Variants in SF3A3 observed in about 807,000 individuals in gnomAD.
The protein encoded by SF3A3 is splicing factor 3a subunit 3.
SF3A3 carries 9 observed loss-of-function variants against 85.8 expected under a neutral mutation model. That is an observed-to-expected ratio of 0.10 (90% CI 0.06 to 0.18). The LOEUF (loss-of-function observed/expected upper bound fraction) is 0.18. Ranked by LOEUF, SF3A3 falls within the 10% of genes least tolerant of loss-of-function variation. The probability of loss-of-function intolerance (pLI) is 1.00; values close to 1 mark genes in which losing one functional copy is unlikely to be tolerated. For missense variants in SF3A3, 306 were observed against 593.3 expected (o/e 0.52, Z 5.03); for synonymous variants, 195 against 204.4 (o/e 0.95, Z 0.39).
At chr1:37,972,875 A>G (rs1646353066) in intron 12 of SF3A3, among the ~76,000 whole-genome samples, 1 of 152,228 alleles carries the variant, frequency 6.6e-6, no homozygotes, top group Non-Finnish European at 1.5e-5. Flanking sequence ...AATTAATTCA[A>G]GATGGATTAA....
chr1:37,957,090 T>C lies in SF3A3; in HGVS notation c.*1096A>G, dbSNP rs1646223024. The C allele has an allele frequency of 6.6e-6, 1 of 152,164 alleles. No individual in the cohort carries two copies. Among genetic ancestry groups the C allele is most frequent in the Non-Finnish European group, 1.5e-5 (1 of 68,042 alleles). 9.4% of individuals were successfully genotyped at this position (152,164 alleles called of 1,614,324 possible). A position where few individuals can be genotyped will look rare whatever the true frequency, so the allele number is the denominator to read the frequency against. The stretch of plus-strand genomic sequence containing the variant: ...GGCCTGACTTTCAGATGACTGTGCT[T>C]ATAAGGCAGATCAGTGCCTTCCTGG... On this transcript the variant is annotated 3_prime_UTR_variant, in exon 17 of 17. Coordinates refer to ENST00000373019, the MANE Select transcript of SF3A3 (RefSeq NM_006802.4).
intron 15 of SF3A3, among the ~76,000 whole-genome samples, chr1:37,963,963 T>C (rs1646280527): frequency 6.8e-6 from 1 of 146,436 alleles, no homozygotes. Flanking sequence ...GGGCAGATCA[T>C]GAGGTCAGAG....
chr1:37,979,460 C>T lies in SF3A3; in HGVS notation c.759+5G>A, dbSNP rs1186596838. 2 of 1,606,790 alleles carry T rather than the reference C, an allele frequency of 1.2e-6. No individual in the cohort carries two copies. Among genetic ancestry groups the T allele is most frequent in the East Asian group, 4.5e-5 (2 of 44,786 alleles). ...AGAACACTACTACTGCTGAAGGAAA[C>T]ATACCTCCCAGGAGGAGAATGCAGA... On this transcript the variant is annotated splice_donor_5th_base_variant and intron_variant, in intron 9 of 16. Transcript: ENST00000373019.
chr1:37,982,883 C>T (rs906454281), intron 6 of SF3A3, among the ~76,000 whole-genome samples: 8 of 151,868 alleles, frequency 5.3e-5, no homozygotes, highest in Non-Finnish European at 7.4e-5. Flanking sequence ...TTGATTGAGT[C>T]CAGGAGTCCA....
intron 16 of SF3A3, 33 bp from the exon 17 acceptor site, chr1:37,958,296 C>T (rs755171769): frequency 1.5e-5 from 22 of 1,478,610 alleles, no homozygotes; most frequent in Non-Finnish European, 2.1e-5. Flanking sequence ...TGTTAGACAG[C>T]TCTCCTAAAA....
chr1:37,981,134 C>T (rs1646415779), intron 7 of SF3A3, among the ~76,000 whole-genome samples: 1 of 152,206 alleles, frequency 6.6e-6, no homozygotes, highest in East Asian at 1.9e-4. Flanking sequence ...CAGGTGTGAG[C>T]CACCGCGCCC....
chr1:37,980,717 C>G lies in SF3A3; in HGVS notation c.559G>C (p.Glu187Gln). 5.0e-6 allele frequency: 8 copies of G among 1,613,172 alleles called. No individual in the cohort carries two copies. Among genetic ancestry groups the G allele is most frequent in the Non-Finnish European group, 6.8e-6 (8 of 1,179,556 alleles). The part of the protein sequence containing the change: ...RKNAEYKRYL[E>Q]MLLEYLQDYT... ...TCCTGAAGGTACTCAAGCAGCATCTCTAGGTATCTACAGAGGAACACACAA... is the reference window on the plus strand; with the variant it reads ...TCCTGAAGGTACTCAAGCAGCATCTGTAGGTATCTACAGAGGAACACACAA... The change falls in exon 8 of 17, where the codon GAG becomes CAG. Residue 187 changes from glutamate (E) to glutamine (Q), a missense_variant. By Grantham distance (29) the Glu-to-Gln change is conservative (BLOSUM62 2). Transcript: ENST00000373019.
Position 37,984,343 on chromosome 1 carries a change from T to C in SF3A3, c.377-83A>G. The stretch of plus-strand genomic sequence containing the variant: ...CCTTTTCAAATGGACTGTGTGTTCC[T>C]AGTTTCCTGAGGCAGCACTTCACCC... On this transcript the variant is annotated intron_variant, in intron 5 of 16. Transcript: ENST00000373019. 3 of 789,784 alleles carry C rather than the reference T, an allele frequency of 3.8e-6. No individual in the cohort carries two copies. The South Asian group carries it at 4.6e-5, about 12-fold the overall frequency. The allele number at this position is 789,784 out of a possible 1,614,324, so 48.9% of individuals were successfully genotyped here. A position where few individuals can be genotyped will look rare whatever the true frequency, so the allele number is the denominator to read the frequency against.
chr1:37,965,929 G>A lies in SF3A3; in HGVS notation c.1372+2115C>T, dbSNP rs367613800. 1.7e-3 allele frequency among the ~76,000 whole-genome samples: 265 copies of A among 152,242 alleles called. 5 individuals are homozygous for A. In the South Asian group the frequency reaches 0.049, roughly 28 times the overall value. ...GAATATAAAAAGCCGGGATGGGCGCGGTGGCTAACGCCTGTAATCCCAGTA... is the reference window on the plus strand; with the variant it reads ...GAATATAAAAAGCCGGGATGGGCGCAGTGGCTAACGCCTGTAATCCCAGTA... On this transcript the variant is annotated intron_variant, in intron 15 of 16. Transcript: ENST00000373019.
chr1:37,973,158 G>A lies in SF3A3; in HGVS notation c.1006-3423C>T, dbSNP rs544063141. ...CATGCCACTACACTCCAGCCTGGGC[G>A]ACAGAGTGAGACTCTGTCTCCAACA... On this transcript the variant is annotated intron_variant, in intron 12 of 16. Coordinates refer to ENST00000373019, the MANE Select transcript of SF3A3 (RefSeq NM_006802.4). 6.6e-5 allele frequency among the ~76,000 whole-genome samples: 10 copies of A among 151,982 alleles called. No homozygotes were observed. In the South Asian group the frequency reaches 2.1e-3, roughly 32 times the overall value.
intron 15 of SF3A3, 89 bp from the exon 16 acceptor site, chr1:37,960,264 T>C: frequency 3.2e-6 from 4 of 1,247,548 alleles, no homozygotes; most frequent in Non-Finnish European, 4.7e-6. Context: ...GCCATTAGGA[T>C]GCTCCCTAGA....
At chr1:37,972,988 C>T (rs1646353855) in intron 12 of SF3A3, among the ~76,000 whole-genome samples, 1 of 152,148 alleles carries the variant, frequency 6.6e-6, no homozygotes, top group African/African-American at 2.4e-5. Context: ...CGAGATCAGC[C>T]TGGCTAACAT....
intron 14 of SF3A3, among the ~76,000 whole-genome samples, chr1:37,968,647 T>A (rs777649303): frequency 6.6e-6 from 1 of 152,188 alleles, no homozygotes; most frequent in East Asian, 1.9e-4. Flanking sequence ...ATGGGCTTTA[T>A]CCTGGATGCC....
In SF3A3 at chr1:37,958,367, C is replaced by A; in HGVS notation, c.1429-104G>T. On this transcript the variant is annotated intron_variant, in intron 16 of 16. Transcript: ENST00000373019. ...CATCCTGGCCTGATTCCATGGCATA[C>A]TCTGGTACACTAAGATTGGCATTCA... The A allele has an allele frequency of 6.4e-6, 5 of 780,294 alleles. No individual in the cohort carries two copies. The South Asian group carries it at 7.2e-5, about 11-fold the overall frequency. 48.3% of individuals were successfully genotyped at this position (780,294 alleles called of 1,614,324 possible).
intron 15 of SF3A3, among the ~76,000 whole-genome samples, chr1:37,964,394 C>T (rs1249148664): frequency 6.6e-6 from 1 of 152,062 alleles, no homozygotes; most frequent in African/African-American, 2.4e-5. Flanking sequence ...CACCTGAGAT[C>T]AGGAATTTGA....
intron 15 of SF3A3, among the ~76,000 whole-genome samples, chr1:37,964,564 C>T (rs558780154): frequency 9.7e-4 from 148 of 152,028 alleles, no homozygotes; most frequent in African/African-American, 3.5e-3. Context: ...GCTGAGATCA[C>T]GCCACTGCAC....
intron 15 of SF3A3, among the ~76,000 whole-genome samples, chr1:37,963,872 TAAAAA>T (rs771447218): frequency 3.7e-5 from 3 of 81,816 alleles, no homozygotes; most frequent in Middle Eastern, 9.8e-3. Flanking sequence ...ATGATATTCT[TAAAAA>T]AAAAAAAAAA....
chr1:37,964,153 T>G (rs1178218514), intron 15 of SF3A3, among the ~76,000 whole-genome samples: 2 of 152,054 alleles, frequency 1.3e-5, no homozygotes, highest in Non-Finnish European at 2.9e-5. Context: ...CACTCCAGCC[T>G]GGCGACAGTG....
At chr1:37,989,318 A>AAT (rs1646478127) in intron 2 of SF3A3, among the ~76,000 whole-genome samples, 1 of 152,068 alleles carries the variant, frequency 6.6e-6, no homozygotes, top group Non-Finnish European at 1.5e-5. Flanking sequence ...AAGAAAAAAA[A>AAT]AAAGGGCACC....
Sources: gnomAD v4.1 joint callset for allele counts (sites outside exome capture counted in the v4.1 genomes callset) on GRCh38, gnomAD v4.1.1 for gene constraint, MANE v1.5 for transcripts, NCBI Gene and HGNC (gene_info 2026-07-23, HGNC 2026-07-21) for gene names.